PRKN: variants seen among roughly 807,000 people sequenced by gnomAD.
The protein encoded by PRKN is E3 ubiquitin-protein ligase parkin.
In PRKN, 56 loss-of-function variants were observed where a neutral mutation model predicts 59.5. That is an observed-to-expected ratio of 0.94 (90% CI 0.76 to 1.18). The LOEUF (loss-of-function observed/expected upper bound fraction) is 1.18. PRKN is among the 50% of genes most tolerant of loss of function. The pLI is 0.00. For synonymous variants in PRKN, 250 were observed against 222.1 expected, an observed-to-expected ratio of 1.13 and a Z score of -1.12; for missense variants, 657 against 596.4, an observed-to-expected ratio of 1.10 and a Z score of -1.06.
chr6:162,696,748 G>A (rs1329589684), intron 1 of PRKN, among the ~76,000 whole-genome samples: 2 of 151,778 alleles, frequency 1.3e-5, no homozygotes, highest in East Asian at 2.0e-4. Flanking sequence ...GTCTTGCCAT[G>A]TTGCATAAGC....
chr6:161,377,977 G>A lies in PRKN; in HGVS notation c.1167+8817C>T, dbSNP rs1324236126. On this transcript the variant is annotated intron_variant, in intron 10 of 11. Coordinates refer to ENST00000366898, the MANE Select transcript of PRKN (RefSeq NM_004562.3). This position sits in a 1 kb window ranked among gnomAD's most constrained non-coding sequence, Gnocchi z 4.2. ...TTGAGTGACAGCAGCCCAAACAGAT[G>A]AGGCAGCAGCTGACAGTGGACTGTG... Among the ~76,000 whole-genome samples, 2 of 152,126 alleles carry A rather than the reference G, an allele frequency of 1.3e-5. No individual in the cohort carries two copies. Among genetic ancestry groups the A allele is most frequent in the Non-Finnish European group, 2.9e-5 (2 of 68,028 alleles).
intron 1 of PRKN, among the ~76,000 whole-genome samples, chr6:162,656,304 T>G (rs1583992362): frequency 6.6e-6 from 1 of 152,218 alleles, no homozygotes; most frequent in South Asian, 2.1e-4. Flanking sequence ...GATTCTACAA[T>G]GAGCTTTAAG....
intron 1 of PRKN, among the ~76,000 whole-genome samples, chr6:162,644,088 C>G (rs772547317): frequency 6.6e-6 from 1 of 152,118 alleles, no homozygotes; most frequent in Non-Finnish European, 1.5e-5. Context: ...GTAGGTTGAA[C>G]GCTCCCACTT....
Position 162,166,831 on chromosome 6 carries a change from C to CA in PRKN, c.534+34299dup, listed in dbSNP as rs147027434. On this transcript the variant is annotated intron_variant, in intron 4 of 11. Coordinates refer to ENST00000366898, the MANE Select transcript of PRKN (RefSeq NM_004562.3). ...AAGCACAATTCTATGAGACATTCTC[C>CA]ATAGCTCCTCAGATGCCCAATGAGA... Among the ~76,000 whole-genome samples the CA allele has an allele frequency of 9.8e-3, 1,487 of 152,240 alleles. 53 individuals carry two copies. In the East Asian group the frequency reaches 0.11, roughly 11 times the overall value.
At chr6:161,541,777 T>C (rs972995472) in intron 9 of PRKN, among the ~76,000 whole-genome samples, 2 of 151,740 alleles carry the variant, frequency 1.3e-5, no homozygotes, top group African/African-American at 2.4e-5. Context: ...GCCGAGATCA[T>C]GCCACTGCAC....
chr6:161,438,215 A>AT (rs34955373), intron 9 of PRKN, among the ~76,000 whole-genome samples: 64,911 of 112,404 alleles, frequency 0.58, 20,847 homozygotes, highest in Middle Eastern at 0.66. Context: ...AATTCTGTTA[A>AT]TTTTTTTTTT....
intron 7 of PRKN, among the ~76,000 whole-genome samples, chr6:161,700,842 T>C (rs1443634488): frequency 2.6e-5 from 4 of 152,178 alleles, no homozygotes; most frequent in African/African-American, 7.2e-5. Flanking sequence ...CAAAGAAATA[T>C]GAAATGAAGA....
In PRKN at chr6:161,562,066, C is replaced by T. The variant is rs2115461502; in HGVS notation, c.933+7289G>A. 6.6e-6 allele frequency among the ~76,000 whole-genome samples: 1 copy of T among 152,226 alleles called. No individual in the cohort carries two copies. The highest frequency in any genetic ancestry group is 1.5e-5 in the Non-Finnish European group (1 of 67,998). On this transcript the variant is annotated intron_variant, in intron 8 of 11. Coordinates refer to ENST00000366898, the MANE Select transcript of PRKN (RefSeq NM_004562.3). The surrounding 1 kb of genome is among the most constrained non-coding windows in gnomAD (Gnocchi z 4.3). ...CCCGCCTTCTCAGCTTCCCCAACAC[C>T]ATAAATCAGCATTCCTCCTCTGGAA...
At chr6:162,439,866 C>A (rs1789969651) in intron 2 of PRKN, among the ~76,000 whole-genome samples, 1 of 152,078 alleles carries the variant, frequency 6.6e-6, no homozygotes, top group Admixed American at 6.6e-5. Flanking sequence ...TATTAATCAA[C>A]TGTTCATGGT....
At chr6:161,638,132 C>G (rs1783596726) in intron 7 of PRKN, among the ~76,000 whole-genome samples, 1 of 151,462 alleles carries the variant, frequency 6.6e-6, no homozygotes. Context: ...GTGATATTCA[C>G]CCCTGGTTTT....
chr6:162,180,532 A>G (rs953918370), intron 4 of PRKN, among the ~76,000 whole-genome samples: 2 of 152,174 alleles, frequency 1.3e-5, no homozygotes, highest in African/African-American at 2.4e-5. Flanking sequence ...AACCTTATTT[A>G]AATCTCACCA....
At chr6:162,284,571 C>A (rs1191838135) in intron 2 of PRKN, among the ~76,000 whole-genome samples, 1 of 152,140 alleles carries the variant, frequency 6.6e-6, no homozygotes, top group East Asian at 1.9e-4. Context: ...TTTGCCAGTT[C>A]TCCTATAAAT....
intron 4 of PRKN, among the ~76,000 whole-genome samples, chr6:162,078,327 C>G (rs1778919814): frequency 6.6e-6 from 1 of 152,038 alleles, no homozygotes; most frequent in African/African-American, 2.4e-5. Context: ...AGTCTGAAAG[C>G]TGAGGCATGT....
At chr6:162,617,677 C>T (rs1782487683) in intron 1 of PRKN, among the ~76,000 whole-genome samples, 1 of 152,150 alleles carries the variant, frequency 6.6e-6, no homozygotes, top group Non-Finnish European at 1.5e-5. Flanking sequence ...TTTTAGATTC[C>T]ACATACAAGT....
intron 6 of PRKN, among the ~76,000 whole-genome samples, chr6:161,951,917 TA>T (rs34079539): frequency 0.54 from 78,067 of 143,574 alleles, 20,610 homozygotes; most frequent in Middle Eastern, 0.64. Context: ...GACTCCATCT[TA>T]AAAAAAAAAA....
rs576462185 is a variant in PRKN at position 161,579,514 on chromosome 6, G to A, written c.872-10098C>T. On this transcript the variant is annotated intron_variant, in intron 7 of 11. Coordinates refer to ENST00000366898, the MANE Select transcript of PRKN (RefSeq NM_004562.3). The surrounding 1 kb of genome is among the most constrained non-coding windows in gnomAD (Gnocchi z 4.2). ...AATTTATATTTGTACCCTATACTTC[G>A]CCATAGAGTGTGCTCTGTAAACTGG... 5.3e-5 allele frequency among the ~76,000 whole-genome samples: 8 copies of A among 152,192 alleles called. No homozygotes were observed. Among genetic ancestry groups the A allele is most frequent in the Admixed American group, 1.3e-4 (2 of 15,292 alleles).
intron 6 of PRKN, among the ~76,000 whole-genome samples, chr6:161,926,029 A>G (rs1312446372): frequency 6.6e-6 from 1 of 152,226 alleles, no homozygotes; most frequent in Non-Finnish European, 1.5e-5. Flanking sequence ...TAAACCACTC[A>G]GCTAGTAAAC....
At chr6:162,443,544 A>G (rs1790166187) in intron 1 of PRKN, 71 bp from the exon 2 acceptor site, 21 of 1,423,066 alleles carry the variant, frequency 1.5e-5, no homozygotes, top group Non-Finnish European at 1.8e-5. Context: ...TGATAGCAAC[A>G]TTTCTCAACC....
At chr6:162,493,161 G>C (rs999400158) in intron 1 of PRKN, among the ~76,000 whole-genome samples, 1 of 152,012 alleles carries the variant, frequency 6.6e-6, no homozygotes, top group Non-Finnish European at 1.5e-5. Flanking sequence ...CATTTCTATC[G>C]CCAACCTGCT....
Sources: allele counts gnomAD v4.1 joint callset (sites outside exome capture counted in the v4.1 genomes callset), GRCh38; gene constraint gnomAD v4.1.1; non-coding constraint Gnocchi (gnomAD v3.1); transcripts MANE v1.5; gene names NCBI Gene and HGNC (gene_info 2026-07-23, HGNC 2026-07-21).